Variants in MGAT4C observed in about 807,000 individuals in gnomAD.
MGAT4C encodes MGAT4 family member C.
A neutral mutation model predicts 40.1 loss-of-function variants in MGAT4C; 19 were observed. The ratio of observed to expected loss-of-function variants is 0.47; its 90% CI spans 0.33 to 0.70. The LOEUF (loss-of-function observed/expected upper bound fraction) is 0.70. Ranked by LOEUF, MGAT4C falls within the 30% of genes least tolerant of loss-of-function variation. The pLI is 0.02. For synonymous variants in MGAT4C, 181 were observed against 187.1 expected (o/e 0.97, Z 0.27); for missense variants, 491 against 563.2 (o/e 0.87, Z 1.30).
intron 2 of MGAT4C, among the ~76,000 whole-genome samples, chr12:86,595,565 C>T (rs1961505184): frequency 6.6e-6 from 1 of 151,838 alleles, no homozygotes; most frequent in Admixed American, 6.6e-5. Context: ...TAAATAAACC[C>T]ATTCTAAAGT....
At chr12:86,453,547 G>A (rs1049703943) in intron 2 of MGAT4C, among the ~76,000 whole-genome samples, 8 of 152,038 alleles carry the variant, frequency 5.3e-5, no homozygotes, top group Admixed American at 3.9e-4. Flanking sequence ...ATATCCAGTA[G>A]CAAGTAAGCT....
chr12:86,077,026 G>A (rs1334478490), intron 1 of MGAT4C, among the ~76,000 whole-genome samples: 1 of 152,064 alleles, frequency 6.6e-6, no homozygotes, highest in Non-Finnish European at 1.5e-5. Flanking sequence ...TTACATTCTA[G>A]CCCTGCTGCC....
At chr12:86,114,838 A>T (rs1878106951) in intron 1 of MGAT4C, among the ~76,000 whole-genome samples, 1 of 151,952 alleles carries the variant, frequency 6.6e-6, no homozygotes, top group Non-Finnish European at 1.5e-5. Context: ...TAAAGATGTT[A>T]AAATCTATTA....
intron 2 of MGAT4C, among the ~76,000 whole-genome samples, chr12:86,590,526 T>G (rs919534792): frequency 1.3e-5 from 2 of 152,014 alleles, no homozygotes; most frequent in African/African-American, 4.8e-5. Context: ...ATTCCAAAGC[T>G]CTTTCAAAAC....
chr12:86,814,351 CATATACGTATATATATACGTATATAT>C (rs1952554838), intron 1 of MGAT4C, among the ~76,000 whole-genome samples: 1 of 1,014 alleles, frequency 9.9e-4, no homozygotes, highest in African/African-American at 9.4e-3. Context: ...CATATATATA[CATATACGTATATATATACGTATATAT>C]ACATATACGT....
At chr12:86,694,907 A>G (rs1950229145) in intron 2 of MGAT4C, among the ~76,000 whole-genome samples, 1 of 152,220 alleles carries the variant, frequency 6.6e-6, no homozygotes, top group Non-Finnish European at 1.5e-5. Context: ...CAAAGCAAAA[A>G]TGGACAAATG....
At chr12:86,284,645 A>G (rs1953303724) in intron 4 of MGAT4C, among the ~76,000 whole-genome samples, 1 of 152,020 alleles carries the variant, frequency 6.6e-6, no homozygotes, top group Admixed American at 6.6e-5. Flanking sequence ...TCAAATAGGA[A>G]ACCATGAAAA....
chr12:86,812,309 A>G (rs559846270), intron 1 of MGAT4C, among the ~76,000 whole-genome samples: 1 of 152,130 alleles, frequency 6.6e-6, no homozygotes, highest in South Asian at 2.1e-4. Context: ...TGTCAGTTAG[A>G]TCCTACTGGT....
chr12:86,363,957 C>G (rs980833491), intron 3 of MGAT4C, among the ~76,000 whole-genome samples: 3 of 62,084 alleles, frequency 4.8e-5, no homozygotes, highest in African/African-American at 1.4e-4. Context: ...CTTTCTCACT[C>G]TCTCTCTCTC....
intron 4 of MGAT4C, among the ~76,000 whole-genome samples, chr12:86,262,201 T>C (rs1952672956): frequency 6.6e-6 from 1 of 152,104 alleles, no homozygotes; most frequent in Admixed American, 6.5e-5. Context: ...ATTTATTTTG[T>C]TACAGAGCAT....
chr12:86,611,393 T>A (rs186800296), intron 2 of MGAT4C, among the ~76,000 whole-genome samples: 41 of 145,442 alleles, frequency 2.8e-4, no homozygotes, highest in Admixed American at 7.5e-4. Context: ...CATAGATAGG[T>A]AGGTAGGTAG....
At chr12:86,489,230 T>A (rs995288860) in intron 2 of MGAT4C, among the ~76,000 whole-genome samples, 3 of 151,940 alleles carry the variant, frequency 2.0e-5, no homozygotes, top group African/African-American at 7.3e-5. Context: ...GGTAGAGAGG[T>A]GGCTTGACTT....
intron 1 of MGAT4C, among the ~76,000 whole-genome samples, chr12:86,737,602 C>A (rs1951007601): frequency 6.6e-6 from 1 of 151,294 alleles, no homozygotes; most frequent in Non-Finnish European, 1.5e-5. Flanking sequence ...GCTCCTAATA[C>A]TTTCTGAACT....
chr12:86,383,428 TGTA>T (rs1955986736), intron 3 of MGAT4C, among the ~76,000 whole-genome samples: 1 of 151,918 alleles, frequency 6.6e-6, no homozygotes, highest in Non-Finnish European at 1.5e-5. Context: ...GGCATGCACC[TGTA>T]GTCCTAGCTA....
intron 2 of MGAT4C, among the ~76,000 whole-genome samples, chr12:86,486,460 A>G (rs1038385579): frequency 1.3e-5 from 2 of 151,840 alleles, no homozygotes; most frequent in African/African-American, 4.8e-5. Flanking sequence ...GAGAAAACAG[A>G]CTTGAGACCA....
At chr12:86,606,418 G>C (rs1962048735) in intron 2 of MGAT4C, among the ~76,000 whole-genome samples, 1 of 151,970 alleles carries the variant, frequency 6.6e-6, no homozygotes, top group Non-Finnish European at 1.5e-5. Context: ...ATGCCATCTG[G>C]CATGCAAATA....
chr12:86,312,574 G>A (rs1405209761), intron 4 of MGAT4C, among the ~76,000 whole-genome samples: 1 of 152,162 alleles, frequency 6.6e-6, no homozygotes. Context: ...TTCTTGCAGT[G>A]TTGTTCAGGT....
intron 1 of MGAT4C, among the ~76,000 whole-genome samples, chr12:86,774,315 C>CTTTCTTTCTTTCTTTCTGTCTT: frequency 1.7e-5 from 1 of 59,394 alleles, no homozygotes; most frequent in South Asian, 7.1e-4. Context: ...TTCTTTCTTT[C>CTTTCTTTCTTTCTTTCTGTCTT]TTTCTTTCTT....
chr12:86,734,814 A>G (rs757422128), intron 1 of MGAT4C, among the ~76,000 whole-genome samples: 2 of 152,078 alleles, frequency 1.3e-5, no homozygotes, highest in Non-Finnish European at 2.9e-5. Flanking sequence ...GCCTGAACTG[A>G]TGGGACAGAG....
Sources: gnomAD v4.1 joint callset for allele counts (sites outside exome capture counted in the v4.1 genomes callset) on GRCh38, gnomAD v4.1.1 for gene constraint, MANE v1.5 for transcripts, NCBI Gene and HGNC (gene_info 2026-07-23, HGNC 2026-07-21) for gene names.